ANK3: variants seen among roughly 807,000 people sequenced by gnomAD.
ANK3 encodes the protein ankyrin 3.
ANK3 carries 57 observed loss-of-function variants against 370.9 expected under a neutral mutation model. The observed-to-expected ratio is 0.15, with a 90% CI of 0.12 to 0.19. The LOEUF (loss-of-function observed/expected upper bound fraction) is 0.19, where lower values mean the gene tolerates loss of function less well. Among genes scored for constraint, ANK3 ranks in the 10% least tolerant of loss-of-function variants. The pLI is 1.00. For missense variants in ANK3, 4,439 were observed against 5,302.1 expected (o/e 0.84, Z 5.06); for synonymous variants, 1,929 against 1,946.3 (o/e 0.99, Z 0.23).
At chr10:60,144,079 A>G (rs538022272) in intron 23 of ANK3, 3 of 300,684 alleles carry the variant, frequency 1.0e-5, no homozygotes, top group Admixed American at 1.0e-4. Context: ...ACATCTGGTC[A>G]TGTTCCTCCA....
chr10:60,062,990 GA>G, intron 40 of ANK3, 120 bp downstream of exon 40: 1 of 1,039,452 alleles, frequency 9.6e-7, no homozygotes, highest in Non-Finnish European at 1.4e-6. Context: ...CTCTGGCAGA[GA>G]AAATGAGAAA....
rs537259400 is a variant in ANK3 at position 60,036,475 on chromosome 10, G to A, written c.*19+6197C>T. Among the ~76,000 whole-genome samples, 84 of 112,024 alleles carry A rather than the reference G, an allele frequency of 7.5e-4. 1 individual carries two copies. The highest frequency in any genetic ancestry group is 2.2e-3 in the South Asian group (7 of 3,190). 73.5% of individuals were successfully genotyped at this position (112,024 alleles called of 152,430 possible). ...TTTTGAGACGGAGTCTTGCTCTGTC[G>A]CCCAGGCTGGAGTGCAGTGGCAAGA... On this transcript the variant is annotated intron_variant, in intron 43 of 43. Transcript: ENST00000280772.
At chr10:60,667,728 C>CA (rs2079016438) in intron 1 of ANK3, among the ~76,000 whole-genome samples, 1 of 151,392 alleles carries the variant, frequency 6.6e-6, no homozygotes, top group Non-Finnish European at 1.5e-5. Flanking sequence ...TCCAGGGCCT[C>CA]AGAGTGGGTT....
chr10:60,670,956 A>G (rs560820823), intron 1 of ANK3, among the ~76,000 whole-genome samples: 5 of 152,314 alleles, frequency 3.3e-5, no homozygotes, highest in African/African-American at 4.8e-5. Flanking sequence ...TAGCAGCCAT[A>G]TGAGGACACA....
intron 1 of ANK3, among the ~76,000 whole-genome samples, chr10:60,311,283 G>A (rs10509129): frequency 2.4e-3 from 371 of 152,170 alleles, no homozygotes; most frequent in Non-Finnish European, 3.6e-3. Context: ...GGGTACTGCC[G>A]AACTAGCCAT....
rs1329000691 is a variant in ANK3 at position 60,027,252 on chromosome 10, T to G, written c.*2594A>C. 6.6e-6 allele frequency: 1 copy of G among 151,336 alleles called. No homozygotes were observed. Among genetic ancestry groups the G allele is most frequent in the Non-Finnish European group, 1.5e-5 (1 of 67,888 alleles). The allele number at this position is 151,336 out of a possible 1,614,324, so 9.4% of individuals were successfully genotyped here. ...ATAGGAAGTTAGGACACCTATATTC[T>G]GATCCTGGCTTTACAGAGAGGCATT... On this transcript the variant is annotated 3_prime_UTR_variant, in exon 44 of 44. Coordinates refer to ENST00000280772, the MANE Select transcript of ANK3 (RefSeq NM_020987.5).
At chr10:60,141,033 TCA>T in intron 23 of ANK3, 1 of 985,136 alleles carries the variant, frequency 1.0e-6, no homozygotes, top group African/African-American at 1.7e-5. Context: ...ACTGGGAGCC[TCA>T]GTTATTTATG....
intron 1 of ANK3, among the ~76,000 whole-genome samples, chr10:60,689,019 T>C (rs1426974254): frequency 6.6e-6 from 1 of 152,200 alleles, no homozygotes; most frequent in Non-Finnish European, 1.5e-5. Context: ...ATCCCTGTTT[T>C]AGCCACTATG....
At chr10:60,065,995 G>GT (rs140737452) in intron 38 of ANK3, among the ~76,000 whole-genome samples, 2,812 of 151,974 alleles carry the variant, frequency 0.019, 98 homozygotes, top group African/African-American at 0.064. Context: ...AAACGTTCTT[G>GT]TTTTAAAAAA....
intron 2 of ANK3, among the ~76,000 whole-genome samples, chr10:60,427,179 C>G (rs773630328): frequency 5.9e-5 from 9 of 152,188 alleles, no homozygotes; most frequent in Non-Finnish European, 1.0e-4. Flanking sequence ...ATTAATTCAA[C>G]AAAATGCTAC....
rs1424167542 is a variant in ANK3 at position 60,648,932 on chromosome 10, C to T, written c.58-33708G>A. 4.6e-5 allele frequency among the ~76,000 whole-genome samples: 7 copies of T among 151,978 alleles called. No homozygotes were observed. The South Asian group carries it at 1.5e-3, about 32-fold the overall frequency. ...GAGAATCTGCTAGTCATATTGGCCA[C>T]AGCCCAAGGCAACCATAACCTGCAG... On this transcript the variant is annotated intron_variant, in intron 1 of 43. Transcript: ENST00000373827.
chr10:60,320,694 G>A (rs936994618), intron 1 of ANK3, among the ~76,000 whole-genome samples: 1 of 152,202 alleles, frequency 6.6e-6, no homozygotes, highest in Non-Finnish European at 1.5e-5. Flanking sequence ...GGAACACACA[G>A]AGCATGGCAC....
intron 2 of ANK3, among the ~76,000 whole-genome samples, chr10:60,454,433 C>A (rs1168948078): frequency 6.6e-6 from 1 of 152,148 alleles, no homozygotes; most frequent in African/African-American, 2.4e-5. Context: ...AGCCCAGCCT[C>A]TTAGAATCTC....
chr10:60,559,149 G>T lies in ANK3; in HGVS notation c.96+56037C>A, dbSNP rs192820633. On this transcript the variant is annotated intron_variant, in intron 2 of 43. Transcript: ENST00000373827. ...AAAAAAAATTTTCAATAGGTTTTTG[G>T]GGAACGGGTGGTGTTTGGTTACATT... 9.2e-5 allele frequency among the ~76,000 whole-genome samples: 14 copies of T among 152,106 alleles called. No individual in the cohort carries two copies. In the East Asian group the frequency reaches 2.5e-3, roughly 27 times the overall value.
Position 60,198,351 on chromosome 10 carries a change from T to A in ANK3, c.1678A>T (p.Ile560Leu). 1 of 1,614,198 alleles carries A rather than the reference T, an allele frequency of 6.2e-7. No individual in the cohort carries two copies. Among genetic ancestry groups the A allele is most frequent in the Non-Finnish European group, 8.5e-7 (1 of 1,180,038 alleles). Residue 560 changes from isoleucine to leucine, a missense_variant, in exon 14 of 44, where the codon ATA becomes TTA. Ile to Leu is a conservative substitution (Grantham distance 5). Around this residue, in one of 13 missense-constraint regions of ANK3, gnomAD observed 192 missense variants for 192.1 expected, o/e 1.00. Transcript: ENST00000280772. The stretch of plus-strand genomic sequence containing the variant: ...ATTTGCTTTCATACCTTTGTTGTTA[T>A]AGATAAAGACGCTCCATGATCCAAA... ...FLLDHGASLS[I>L]TTKKGFTPLH...
chr10:60,115,622 G>C (rs919538811), intron 25 of ANK3, among the ~76,000 whole-genome samples: 2 of 152,106 alleles, frequency 1.3e-5, no homozygotes, highest in Non-Finnish European at 2.9e-5. Flanking sequence ...TAGAATGCTA[G>C]AATATACATA....
chr10:60,102,929 C>T (rs754625551), intron 28 of ANK3, among the ~76,000 whole-genome samples: 10 of 151,876 alleles, frequency 6.6e-5, no homozygotes, highest in Admixed American at 2.0e-4. Context: ...GAAATTAATA[C>T]GTTATATTAA....
chr10:60,357,622 A>C (rs2057966311), intron 1 of ANK3, among the ~76,000 whole-genome samples: 1 of 152,206 alleles, frequency 6.6e-6, no homozygotes, highest in South Asian at 2.1e-4. Flanking sequence ...ATTTGTTACT[A>C]TGAATCTTGA....
intron 2 of ANK3, among the ~76,000 whole-genome samples, chr10:60,513,910 T>TA (rs1461430823): frequency 6.6e-6 from 1 of 152,154 alleles, no homozygotes; most frequent in African/African-American, 2.4e-5. Context: ...CAATAAAAGT[T>TA]ACACTGAGTG....
Sources: allele counts gnomAD v4.1 joint callset (sites outside exome capture counted in the v4.1 genomes callset), GRCh38; gene constraint gnomAD v4.1.1; regional missense constraint gnomAD v4.1.1; transcripts MANE v1.5; gene names NCBI Gene and HGNC (gene_info 2026-07-23, HGNC 2026-07-21).